Variants in GALNT18 observed in about 807,000 individuals in gnomAD.
GALNT18 encodes polypeptide N-acetylgalactosaminyltransferase 18, also known as GalNAc-transferase 18.
GALNT18 carries 44 observed loss-of-function variants against 69.5 expected under a neutral mutation model. The ratio of observed to expected loss-of-function variants is 0.63; its 90% CI spans 0.50 to 0.81. The LOEUF is 0.81. GALNT18 is among the 40% of genes least tolerant of loss of function. The pLI is 0.00. For missense variants in GALNT18, 715 were observed against 810.0 expected, an observed-to-expected ratio of 0.88 and a Z score of 1.42; for synonymous variants, 364 against 318.2, an observed-to-expected ratio of 1.14 and a Z score of -1.53.
chr11:11,407,185 C>T (rs1405904562), intron 3 of GALNT18, among the ~76,000 whole-genome samples: 1 of 152,130 alleles, frequency 6.6e-6, no homozygotes, highest in African/African-American at 2.4e-5. Context: ...AGGCCAAGGC[C>T]GTAAAGGGGA....
chr11:11,420,062 A>C (rs1854965843), intron 3 of GALNT18, among the ~76,000 whole-genome samples: 1 of 152,082 alleles, frequency 6.6e-6, no homozygotes, highest in Non-Finnish European at 1.5e-5. Flanking sequence ...TTCCTGAAAA[A>C]AATTGAATTG....
intron 10 of GALNT18, among the ~76,000 whole-genome samples, chr11:11,273,974 C>T (rs1432334896): frequency 6.6e-6 from 1 of 152,174 alleles, no homozygotes; most frequent in Non-Finnish European, 1.5e-5. Flanking sequence ...GCGTTTCCAA[C>T]TGAGGGACCT....
rs906437848 is a variant in GALNT18 at position 11,546,068 on chromosome 11, A to C, written c.235+75291T>G. On this transcript the variant is annotated intron_variant, in intron 1 of 10. Coordinates refer to ENST00000227756, the MANE Select transcript of GALNT18 (RefSeq NM_198516.3). This position sits in a 1 kb window ranked among gnomAD's most constrained non-coding sequence, Gnocchi z 5.8. Reference sequence around the variant, plus strand: ...GCAGGATTAGGCCCCTCTTCTCCCCAGCCACTCAGCCAAGCTGCCACTATA... The same window carrying C: ...GCAGGATTAGGCCCCTCTTCTCCCCCGCCACTCAGCCAAGCTGCCACTATA... Among the ~76,000 whole-genome samples, 6 of 152,244 alleles carry C rather than the reference A, an allele frequency of 3.9e-5. No homozygotes were observed. The highest frequency in any genetic ancestry group is 5.9e-5 in the Non-Finnish European group (4 of 68,006).
intron 10 of GALNT18, among the ~76,000 whole-genome samples, chr11:11,285,550 C>T (rs1278628112): frequency 1.3e-5 from 2 of 152,154 alleles, no homozygotes; most frequent in Non-Finnish European, 2.9e-5. Flanking sequence ...CTTCCATAAA[C>T]CAAAAATAAC....
At chr11:11,392,667 T>C (rs1854223400) in intron 3 of GALNT18, among the ~76,000 whole-genome samples, 1 of 152,208 alleles carries the variant, frequency 6.6e-6, no homozygotes, top group Non-Finnish European at 1.5e-5. Context: ...ACCTTCTTTC[T>C]GAAGTTTTTA....
At chr11:11,526,163 C>T (rs1590073120) in intron 1 of GALNT18, among the ~76,000 whole-genome samples, 3 of 152,194 alleles carry the variant, frequency 2.0e-5, no homozygotes, top group Admixed American at 2.0e-4. Flanking sequence ...ATGTATAAAG[C>T]CATAAAGGCA....
At chr11:11,566,851 A>T (rs1858666158) in intron 1 of GALNT18, among the ~76,000 whole-genome samples, 1 of 152,164 alleles carries the variant, frequency 6.6e-6, no homozygotes, top group Non-Finnish European at 1.5e-5. Flanking sequence ...GTGACCTAGC[A>T]CCGGCTTGTT....
chr11:11,361,888 T>C (rs933525166), intron 6 of GALNT18, among the ~76,000 whole-genome samples: 1 of 152,206 alleles, frequency 6.6e-6, no homozygotes, highest in Non-Finnish European at 1.5e-5. Flanking sequence ...AAGACCTTTA[T>C]GCATTAGTTT....
chr11:11,392,753 C>T (rs1854225287), intron 3 of GALNT18, among the ~76,000 whole-genome samples: 1 of 152,198 alleles, frequency 6.6e-6, no homozygotes, highest in African/African-American at 2.4e-5. Context: ...CCATTCAATC[C>T]TTTTGGGACT....
chr11:11,414,607 A>G (rs1854810173), intron 3 of GALNT18, among the ~76,000 whole-genome samples: 2 of 152,144 alleles, frequency 1.3e-5, no homozygotes, highest in Admixed American at 1.3e-4. Context: ...TTTATTTCAT[A>G]TCATTCTTTT....
chr11:11,310,018 C>T (rs1849642727), intron 9 of GALNT18, among the ~76,000 whole-genome samples: 1 of 152,170 alleles, frequency 6.6e-6, no homozygotes, highest in African/African-American at 2.4e-5. Context: ...AAATGCACAC[C>T]TCCTTTCAAC....
intron 9 of GALNT18, among the ~76,000 whole-genome samples, chr11:11,325,494 C>T (rs920111986): frequency 6.6e-6 from 1 of 151,846 alleles, no homozygotes; most frequent in African/African-American, 2.4e-5. Flanking sequence ...AACCAAAAAC[C>T]ACCTGAATCT....
Position 11,591,839 on chromosome 11 carries a change from C to A in GALNT18, c.235+29520G>T, listed in dbSNP as rs961512598. Among the ~76,000 whole-genome samples the A allele has an allele frequency of 2.0e-5, 3 of 152,054 alleles. No individual in the cohort carries two copies. Among genetic ancestry groups the A allele is most frequent in the African/African-American group, 7.3e-5 (3 of 41,374 alleles). On this transcript the variant is annotated intron_variant, in intron 1 of 10. Coordinates refer to ENST00000227756, the MANE Select transcript of GALNT18 (RefSeq NM_198516.3). The surrounding 1 kb of genome is among the most constrained non-coding windows in gnomAD (Gnocchi z 4.8). ...CACCTATAATCTTGAAAGCCAATAC[C>A]CAGCTGTGATTAGATGTTATGAAGA...
At chr11:11,427,138 T>C (rs1855150101) in intron 3 of GALNT18, among the ~76,000 whole-genome samples, 1 of 152,068 alleles carries the variant, frequency 6.6e-6, no homozygotes, top group Non-Finnish European at 1.5e-5. Context: ...TGCAGCAGAG[T>C]GACAGCATGA....
intron 9 of GALNT18, among the ~76,000 whole-genome samples, chr11:11,306,823 T>A (rs1197812289): frequency 9.0e-6 from 1 of 111,080 alleles, no homozygotes. Context: ...TCCCTTCACT[T>A]CATTTCTCCC....
At chr11:11,368,584 C>T (rs1274689828) in intron 6 of GALNT18, among the ~76,000 whole-genome samples, 1 of 152,028 alleles carries the variant, frequency 6.6e-6, no homozygotes, top group Non-Finnish European at 1.5e-5. Flanking sequence ...GATCTATTTT[C>T]CAGTTTCTTA....
Position 11,497,453 on chromosome 11 carries a change from G to A in GALNT18, c.236-48517C>T, listed in dbSNP as rs1313549596. Among the ~76,000 whole-genome samples, 1 of 149,626 alleles carries A rather than the reference G, an allele frequency of 6.7e-6. No homozygotes were observed. On this transcript the variant is annotated intron_variant, in intron 1 of 10. Coordinates refer to ENST00000227756, the MANE Select transcript of GALNT18 (RefSeq NM_198516.3). This position sits in a 1 kb window ranked among gnomAD's most constrained non-coding sequence, Gnocchi z 4.2. The stretch of plus-strand genomic sequence containing the variant: ...TTTATGGGTCCCTGCTCTTATGCAG[G>A]GCCTGTTCACCTGCACCTCCAGAAC...
rs1356724537 is a variant in GALNT18 at position 11,358,141 on chromosome 11, C to G, written c.1092+14374G>C. On this transcript the variant is annotated intron_variant, in intron 6 of 10. Coordinates refer to ENST00000227756, the MANE Select transcript of GALNT18 (RefSeq NM_198516.3). ...TTTTCAGAAATGGTCACATAGAGGGCACCTGATCCCATTGTCTTACCTCAA... is the reference window on the plus strand; with the variant it reads ...TTTTCAGAAATGGTCACATAGAGGGGACCTGATCCCATTGTCTTACCTCAA... 4.3e-5 allele frequency among the ~76,000 whole-genome samples: 4 copies of G among 92,898 alleles called. 2 individuals carry two copies. Among genetic ancestry groups the G allele is most frequent in the Non-Finnish European group, 1.0e-4 (4 of 38,616 alleles). The allele number at this position is 92,898 out of a possible 152,430, so 60.9% of individuals were successfully genotyped here.
In GALNT18 at chr11:11,332,885, C is replaced by T; in HGVS notation, c.1279-54G>A. The T allele has an allele frequency of 6.3e-7, 1 of 1,595,032 alleles. No homozygotes were observed. Among genetic ancestry groups the T allele is most frequent in the Non-Finnish European group, 8.5e-7 (1 of 1,172,350 alleles). ...AGCCACTCCCAGGTTGCAGCTTCTC[C>T]CCAAACTCTACTTTGGCATGACCTT... On this transcript the variant is annotated intron_variant, in intron 7 of 10. Coordinates refer to ENST00000227756, the MANE Select transcript of GALNT18 (RefSeq NM_198516.3). The surrounding 1 kb of genome is among the most constrained non-coding windows in gnomAD (Gnocchi z 4.3).
Sources: allele counts gnomAD v4.1 joint callset (sites outside exome capture counted in the v4.1 genomes callset), GRCh38; gene constraint gnomAD v4.1.1; non-coding constraint Gnocchi (gnomAD v3.1); transcripts MANE v1.5; gene names NCBI Gene and HGNC (gene_info 2026-07-23, HGNC 2026-07-21).